ANXA13: variants seen among roughly 807,000 people sequenced by gnomAD.
ANXA13 encodes annexin XIII.
In ANXA13, 36 loss-of-function variants were observed where a neutral mutation model predicts 46.6. The observed-to-expected ratio is 0.77, with a 90% confidence interval of 0.59 to 1.02. ANXA13 has a LOEUF of 1.02. ANXA13 is among the 50% of genes least tolerant of loss of function. ANXA13 has a pLI of 0.00. For missense variants in ANXA13, 417 were observed against 396.5 expected (o/e 1.05, Z -0.44); for synonymous variants, 163 against 152.9 (o/e 1.07, Z -0.49).
intron 1 of ANXA13, among the ~76,000 whole-genome samples, chr8:123,719,317 TTC>T (rs1348847848): frequency 6.6e-6 from 1 of 152,188 alleles, no homozygotes; most frequent in Non-Finnish European, 1.5e-5. Flanking sequence ...TTCCCTCTCT[TTC>T]TCTTTCTCTT....
chr8:123,685,192 G>C (rs118164477), intron 9 of ANXA13, among the ~76,000 whole-genome samples: 661 of 152,254 alleles, frequency 4.3e-3, no homozygotes, highest in Non-Finnish European at 6.5e-3. Context: ...TCCTCACTGG[G>C]GTTGTTTTGC....
chr8:123,722,255 G>A (rs1032164230), intron 1 of ANXA13, among the ~76,000 whole-genome samples: 40 of 152,050 alleles, frequency 2.6e-4, no homozygotes, highest in African/African-American at 9.4e-4. Context: ...TGAGGTTGCA[G>A]TGAGCCGTGG....
At chr8:123,737,209 A>C in intron 1 of ANXA13, 111 bp downstream of exon 1, 1 of 1,105,832 alleles carries the variant, frequency 9.0e-7, no homozygotes, top group East Asian at 2.6e-5. Flanking sequence ...CCAATATTAA[A>C]GGGTAACCAT....
intron 1 of ANXA13, among the ~76,000 whole-genome samples, chr8:123,724,804 G>C (rs1217791633): frequency 3.3e-5 from 5 of 152,196 alleles, no homozygotes; most frequent in Non-Finnish European, 5.9e-5. Flanking sequence ...TAATCCAGGG[G>C]TTGGCAAACT....
At chr8:123,694,919 C>T (rs151175678) in intron 6 of ANXA13, among the ~76,000 whole-genome samples, 290 of 152,138 alleles carry the variant, frequency 1.9e-3, no homozygotes, top group African/African-American at 6.7e-3. Flanking sequence ...AGAAACAAAA[C>T]AGAGAAAATG....
At chr8:123,724,050 A>G (rs941795955) in intron 1 of ANXA13, among the ~76,000 whole-genome samples, 5 of 152,218 alleles carry the variant, frequency 3.3e-5, no homozygotes, top group African/African-American at 1.2e-4. Flanking sequence ...CAGGAAACTT[A>G]TCTGGATAGA....
intron 9 of ANXA13, among the ~76,000 whole-genome samples, chr8:123,685,005 T>C (rs1813115372): frequency 6.6e-6 from 1 of 152,256 alleles, no homozygotes; most frequent in Non-Finnish European, 1.5e-5. Flanking sequence ...ATTCTCGTTA[T>C]TTCCCAGCAG....
At chr8:123,694,029 C>T (rs189667410) in intron 6 of ANXA13, among the ~76,000 whole-genome samples, 120 of 151,816 alleles carry the variant, frequency 7.9e-4, no homozygotes, top group Non-Finnish European at 1.6e-3. Context: ...CACCCACACA[C>T]CCCACTGACC....
In ANXA13 at chr8:123,693,777, A is replaced by T. The variant is rs35759790; in HGVS notation, c.474T>A (p.Ala158=). 3.2e-5 allele frequency: 51 copies of T among 1,613,756 alleles called. No homozygotes were observed. The African/African-American group carries it at 5.9e-4, about 19-fold the overall frequency. Residue 158 remains alanine, a splice_region_variant and synonymous_variant, in exon 7 of 11, where the codon GCT becomes GCA. Transcript: ENST00000419625. The stretch of plus-strand genomic sequence containing the variant: ...CCACGTCATCTCCTTCATTGCGATT[A>T]GCCTAGAAAAATTGACACATTGTTA... ...LKKILVSLLQ[A]NRNEGDDVDK...
At chr8:123,717,992 G>A (rs1244718642) in intron 1 of ANXA13, among the ~76,000 whole-genome samples, 1 of 152,224 alleles carries the variant, frequency 6.6e-6, no homozygotes, top group Non-Finnish European at 1.5e-5. Flanking sequence ...GCTCGCTTGC[G>A]CCCAGAGAAA....
intron 1 of ANXA13, among the ~76,000 whole-genome samples, chr8:123,735,035 A>C (rs1450314104): frequency 6.6e-6 from 1 of 151,708 alleles, no homozygotes; most frequent in Non-Finnish European, 1.5e-5. Flanking sequence ...AGAACTCAGA[A>C]GTCACATACC....
At chr8:123,718,778 T>G (rs1182204641) in intron 1 of ANXA13, among the ~76,000 whole-genome samples, 1 of 152,222 alleles carries the variant, frequency 6.6e-6, no homozygotes, top group Non-Finnish European at 1.5e-5. Flanking sequence ...GCTCTGATCC[T>G]AGGAAGCGGT....
At chr8:123,682,300 A>G (rs976523696) in intron 10 of ANXA13, among the ~76,000 whole-genome samples, 6 of 152,240 alleles carry the variant, frequency 3.9e-5, no homozygotes, top group Non-Finnish European at 7.3e-5. Context: ...AAATAAATCC[A>G]AAGATTGCTC....
intron 2 of ANXA13, among the ~76,000 whole-genome samples, chr8:123,703,772 A>G (rs1478178188): frequency 6.6e-6 from 1 of 152,206 alleles, no homozygotes; most frequent in African/African-American, 2.4e-5. Flanking sequence ...ATACAAGCTC[A>G]TGGCAGCAAT....
In ANXA13 at chr8:123,699,701, C is replaced by T. The variant is rs1483147081; in HGVS notation, c.187-1142G>A. 2.6e-5 allele frequency among the ~76,000 whole-genome samples: 4 copies of T among 152,314 alleles called. No individual in the cohort carries two copies. The East Asian group carries it at 7.7e-4, about 29-fold the overall frequency. ...AGCCTGGGATGGCTCAGATTGGAGG[C>T]CCATAGACAAGCTGGCATTTCAAGG... On this transcript the variant is annotated intron_variant, in intron 3 of 10. Coordinates refer to ENST00000419625, the MANE Select transcript of ANXA13 (RefSeq NM_004306.4).
At chr8:123,715,115 C>T (rs1431384067) in intron 1 of ANXA13, among the ~76,000 whole-genome samples, 1 of 152,330 alleles carries the variant, frequency 6.6e-6, no homozygotes, top group Non-Finnish European at 1.5e-5. Context: ...CTATTTGGTG[C>T]TTTTGTAGGC....
intron 2 of ANXA13, among the ~76,000 whole-genome samples, chr8:123,709,267 T>C (rs1336929909): frequency 6.6e-6 from 1 of 152,194 alleles, no homozygotes; most frequent in Non-Finnish European, 1.5e-5. Context: ...GAGACATTGT[T>C]ATCCTCATTT....
At chr8:123,688,220 C>T (rs1313718374) in intron 9 of ANXA13, among the ~76,000 whole-genome samples, 5 of 152,098 alleles carry the variant, frequency 3.3e-5, no homozygotes, top group African/African-American at 4.8e-5. Context: ...TCCCCTCATA[C>T]GGTTCTCATG....
Position 123,693,213 on chromosome 8 carries a change from A to T in ANXA13, c.626T>A (p.Phe209Tyr). 6.2e-7 allele frequency: 1 copy of T among 1,614,138 alleles called. No individual in the cohort carries two copies. ...KRSYKQLRAT[F>Y]QAYQILIGKD... ...ATGACTTACAATTTGATAGGCTTGA[A>T]AGGTGGCTCGTAACTGCTTGTAGCT... The change falls in exon 8 of 11, where the codon TTT (phenylalanine) becomes TAT (tyrosine). Residue 209 changes from phenylalanine (F) to tyrosine (Y), a missense_variant. Physicochemically the swap from Phe to Tyr is conservative, Grantham distance 22. Transcript: ENST00000419625.
Sources: gnomAD v4.1 joint callset for allele counts (sites outside exome capture counted in the v4.1 genomes callset) on GRCh38, gnomAD v4.1.1 for gene constraint, MANE v1.5 for transcripts, NCBI Gene and HGNC (gene_info 2026-07-23, HGNC 2026-07-21) for gene names.